SPESP1: variants seen among roughly 807,000 people sequenced by gnomAD.
The protein encoded by SPESP1 is equatorial segment protein.
SPESP1 carries 1 observed loss-of-function variant against 3.1 expected under a neutral mutation model. The ratio of observed to expected loss-of-function variants is 0.33; its 90% CI spans 0.12 to 1.54. The LOEUF (loss-of-function observed/expected upper bound fraction) is 1.54. Ranked by LOEUF, SPESP1 falls within the 40% of genes most tolerant of loss-of-function variation. SPESP1 has a pLI of 0.38. For synonymous variants in SPESP1, 138 were observed against 150.7 expected, an observed-to-expected ratio of 0.92 and a Z score of 0.62; for missense variants, 398 against 410.1, an observed-to-expected ratio of 0.97 and a Z score of 0.26.
rs774436098 is a variant in SPESP1, at chr15:68,946,544, T to C, written c.1010T>C (p.Met337Thr). The stretch of plus-strand genomic sequence containing the variant: ...ACAGTATTCAATACATTAAAAAATA[T>C]GTGTAGATCAAGGAGAGTCACAGCC... ...AATVFNTLKNMCRSRRVTALL... is the reference protein window; with the variant it reads ...AATVFNTLKNTCRSRRVTALL... The change falls in exon 2 of 2, where the codon ATG becomes ACG. Residue 337 changes from methionine to threonine, a missense_variant. Met to Thr is a moderately conservative substitution (Grantham distance 81, BLOSUM62 -1). Coordinates refer to ENST00000310673, the MANE Select transcript of SPESP1 (RefSeq NM_145658.4). The C allele has an allele frequency of 4.5e-6, 7 of 1,572,786 alleles. No individual in the cohort carries two copies. The East Asian group carries it at 6.7e-5, about 15-fold the overall frequency.
At position 68,945,820 on chromosome 15, in the gene SPESP1, G is replaced by A; in HGVS notation, c.286G>A (p.Glu96Lys). ...TGATGTTTTAACCAATCCTATCAGT[G>A]AAGAAACTACAACTTTCCCTACAGG... The part of the protein sequence containing the change: ...ENDVLTNPIS[E>K]ETTTFPTGGF... The change falls in exon 2 of 2, where the codon GAA (glutamate) becomes AAA (lysine). Residue 96 changes from glutamate (E) to lysine (K), a missense_variant. Transcript: ENST00000310673. The A allele has an allele frequency of 6.2e-7, 1 of 1,613,950 alleles. No individual in the cohort carries two copies. Among genetic ancestry groups the A allele is most frequent in the East Asian group, 2.2e-5 (1 of 44,856 alleles).
chr15:68,933,859 A>G (rs1895616188), intron 1 of SPESP1, among the ~76,000 whole-genome samples: 2 of 140,212 alleles, frequency 1.4e-5, no homozygotes, highest in African/African-American at 5.2e-5. Flanking sequence ...ACCTTGTCTC[A>G]AAAAAAAAAA....
In SPESP1 at chr15:68,945,762, G is replaced by A. The variant is rs1895942770; in HGVS notation, c.228G>A (p.Glu76=). The change falls in exon 2 of 2, where the codon GAG becomes GAA. Residue 76 remains glutamate, a synonymous_variant. Coordinates refer to ENST00000310673, the MANE Select transcript of SPESP1 (RefSeq NM_145658.4). ...CATCAAAGGGATCAAAATTTAAGGA[G>A]CTAGTTACACATGGAGACGCTTCAA... ...SIASKGSKFK[E]LVTHGDASTE... The A allele has an allele frequency of 6.2e-7, 1 of 1,613,900 alleles. No individual in the cohort carries two copies. Among genetic ancestry groups the A allele is most frequent in the South Asian group, 1.1e-5 (1 of 91,018 alleles).
At position 68,930,668 on chromosome 15, in the gene SPESP1, CCTT is replaced by C; in HGVS notation, c.18_20del (p.Leu7del). ...GGACGACGCCTATGAAGCCCTTAGT[CCTT>C]CTAGTTGCGCTTTTGCTATGGCCTT... On this transcript the variant is annotated inframe_deletion, in exon 1 of 2. Coordinates refer to ENST00000310673, the MANE Select transcript of SPESP1 (RefSeq NM_145658.4). 1 of 1,614,020 alleles carries C rather than the reference CCTT, an allele frequency of 6.2e-7. No homozygotes were observed. Among genetic ancestry groups the C allele is most frequent in the South Asian group, 1.1e-5 (1 of 91,080 alleles).
chr15:68,946,239 A>G lies in SPESP1; in HGVS notation c.705A>G (p.Ser235=), dbSNP rs201234143. The G allele has an allele frequency of 6.2e-7, 1 of 1,614,152 alleles. No individual in the cohort carries two copies. The highest frequency in any genetic ancestry group is 1.3e-5 in the African/African-American group (1 of 75,066). ...DILKKILDIN[S]QVQQALLSDT... ...TGAAAAAAATTTTAGATATTAATTC[A>G]CAAGTGCAACAGGCACTTCTTAGTG... The change falls in exon 2 of 2, where the codon TCA becomes TCG. Residue 235 remains serine (S), a synonymous_variant. Coordinates refer to ENST00000310673, the MANE Select transcript of SPESP1 (RefSeq NM_145658.4).
rs190669636 is a variant in SPESP1, at chr15:68,934,115, T to C, written c.64+3398T>C. Among the ~76,000 whole-genome samples, 724 of 152,180 alleles carry C rather than the reference T, an allele frequency of 4.8e-3. 7 individuals carry two copies. The highest frequency in any genetic ancestry group is 0.017 in the African/African-American group (687 of 41,522). ...TAAAATTAAAATATTAATTTTGGGG[T>C]ATCTCCCAAATAAATTATTTCCTCT... On this transcript the variant is annotated intron_variant, in intron 1 of 1. Coordinates refer to ENST00000310673, the MANE Select transcript of SPESP1 (RefSeq NM_145658.4).
chr15:68,941,221 G>A (rs547331327), intron 1 of SPESP1, among the ~76,000 whole-genome samples: 4 of 152,202 alleles, frequency 2.6e-5, no homozygotes, highest in African/African-American at 9.6e-5. Context: ...TTAAAAGAGA[G>A]GATATGACAT....
At chr15:68,937,498 ATTTC>A (rs1462487393) in intron 1 of SPESP1, among the ~76,000 whole-genome samples, 1 of 151,000 alleles carries the variant, frequency 6.6e-6, no homozygotes, top group Non-Finnish European at 1.5e-5. Context: ...TTTTTTCTTT[ATTTC>A]TTCTAAAAAA....
At chr15:68,934,491 G>A (rs992581992) in intron 1 of SPESP1, among the ~76,000 whole-genome samples, 1 of 152,186 alleles carries the variant, frequency 6.6e-6, no homozygotes, top group African/African-American at 2.4e-5. Flanking sequence ...TGAATAAACT[G>A]TCATGACACA....
At chr15:68,941,795 A>G (rs1263489334) in intron 1 of SPESP1, among the ~76,000 whole-genome samples, 1 of 152,200 alleles carries the variant, frequency 6.6e-6, no homozygotes, top group Non-Finnish European at 1.5e-5. Context: ...TTCATTATTT[A>G]GCCTACTATA....
At chr15:68,941,692 G>A (rs560038100) in intron 1 of SPESP1, among the ~76,000 whole-genome samples, 37 of 152,162 alleles carry the variant, frequency 2.4e-4, no homozygotes, top group African/African-American at 8.7e-4. Context: ...CAGAATAATT[G>A]CCCCATGTCA....
At chr15:68,942,404 T>C (rs187592990) in intron 1 of SPESP1, among the ~76,000 whole-genome samples, 89 of 152,266 alleles carry the variant, frequency 5.8e-4, no homozygotes, top group Admixed American at 5.8e-3. Flanking sequence ...TTCTGTCCAA[T>C]TCTTATGTCT....
rs1308663079 is a variant in SPESP1, at chr15:68,946,280, C to T, written c.746C>T (p.Ala249Val). 1 of 1,613,992 alleles carries T rather than the reference C, an allele frequency of 6.2e-7. No homozygotes were observed. The highest frequency in any genetic ancestry group is 8.5e-7 in the Non-Finnish European group (1 of 1,180,038). The change falls in exon 2 of 2, where the codon GCA (alanine) becomes GTA (valine). Residue 249 changes from alanine to valine, a missense_variant. By Grantham distance (64) the Ala-to-Val change is moderately conservative. Coordinates refer to ENST00000310673, the MANE Select transcript of SPESP1 (RefSeq NM_145658.4). ...CTTCTTAGTGACACCAGCAACCCAGCATATAGAGAAGATATTGAAGCCTCT... is the reference window on the plus strand; with the variant it reads ...CTTCTTAGTGACACCAGCAACCCAGTATATAGAGAAGATATTGAAGCCTCT... ...QALLSDTSNP[A>V]YREDIEASKD...
chr15:68,933,718 A>C (rs1160294747), intron 1 of SPESP1, among the ~76,000 whole-genome samples: 1 of 151,762 alleles, frequency 6.6e-6, no homozygotes, highest in East Asian at 1.9e-4. Context: ...AATTAGCCAG[A>C]TGTGGTGGGG....
At chr15:68,938,118 C>A (rs1440052973) in intron 1 of SPESP1, among the ~76,000 whole-genome samples, 1 of 152,074 alleles carries the variant, frequency 6.6e-6, no homozygotes, top group Non-Finnish European at 1.5e-5. Flanking sequence ...GTAGCTGGGA[C>A]TACAGGTGCA....
intron 1 of SPESP1, among the ~76,000 whole-genome samples, chr15:68,943,386 C>G (rs971290459): frequency 1.3e-5 from 2 of 152,090 alleles, no homozygotes; most frequent in Non-Finnish European, 2.9e-5. Context: ...TTTTTCTAAG[C>G]ATTACATAAA....
chr15:68,943,420 A>G (rs2140427587), intron 1 of SPESP1, among the ~76,000 whole-genome samples: 1 of 152,314 alleles, frequency 6.6e-6, no homozygotes, highest in South Asian at 2.1e-4. Context: ...TTTTAGAATC[A>G]AGACCTCCAG....
Position 68,946,335 on chromosome 15 carries a change from A to T in SPESP1, c.801A>T (p.Leu267=), listed in dbSNP as rs1391492284. The T allele has an allele frequency of 6.2e-7, 1 of 1,613,774 alleles. No individual in the cohort carries two copies. The highest frequency in any genetic ancestry group is 8.5e-7 in the Non-Finnish European group (1 of 1,179,808). The change falls in exon 2 of 2, where the codon CTA becomes CTT. Residue 267 remains leucine, a synonymous_variant. Transcript: ENST00000310673. ...SKDHLKRSLA[L]AAAAEHKLKT... ...ATCACCTAAAACGAAGCCTTGCTCT[A>T]GCAGCAGCAGCAGAACATAAATTAA...
intron 1 of SPESP1, among the ~76,000 whole-genome samples, chr15:68,940,333 A>G (rs758545530): frequency 2.0e-5 from 3 of 152,186 alleles, no homozygotes; most frequent in South Asian, 2.1e-4. Flanking sequence ...TAGACATCCT[A>G]TAATTTTATC....
Sources: gnomAD v4.1 joint callset for allele counts (sites outside exome capture counted in the v4.1 genomes callset) on GRCh38, gnomAD v4.1.1 for gene constraint, MANE v1.5 for transcripts, NCBI Gene and HGNC (gene_info 2026-07-23, HGNC 2026-07-21) for gene names.